The following HMGCLL1 variants were observed in gnomAD, a reference collection of about 807,000 sequenced individuals.
HMGCLL1 encodes 3-hydroxy-3-methylglutaryl-CoA lyase like 1.
In HMGCLL1, 36 loss-of-function variants were observed where a neutral mutation model predicts 39.1. The observed-to-expected ratio is 0.92, with a 90% CI of 0.71 to 1.22. HMGCLL1 has a LOEUF of 1.22. HMGCLL1 is among the 50% of genes most tolerant of loss of function. The pLI is 0.00. For synonymous variants in HMGCLL1, 149 were observed against 144.0 expected, an observed-to-expected ratio of 1.03 and a Z score of -0.25; for missense variants, 451 against 416.5, an observed-to-expected ratio of 1.08 and a Z score of -0.72.
the HMGCLL1 span, among the ~76,000 whole-genome samples, chr6:55,622,500 T>A: frequency 2.4e-4 from 36 of 152,096 alleles, no homozygotes; most frequent in Non-Finnish European, 4.7e-4. Flanking sequence ...TTTTATCGAA[T>A]GCTGTTTTAG....
intron 7 of HMGCLL1, among the ~76,000 whole-genome samples, chr6:55,458,291 C>T (rs1006510320): frequency 1.3e-5 from 2 of 152,046 alleles, no homozygotes; most frequent in East Asian, 1.9e-4. Flanking sequence ...ATAAAGCATA[C>T]AAAATCTGTG....
chr6:55,514,509 T>C (rs1237878423), intron 4 of HMGCLL1, among the ~76,000 whole-genome samples: 1 of 152,196 alleles, frequency 6.6e-6, no homozygotes, highest in Non-Finnish European at 1.5e-5. Context: ...AGCCTAATTA[T>C]GGAAAATACT....
chr6:55,610,512 C>A, the HMGCLL1 span, among the ~76,000 whole-genome samples: 955 of 152,018 alleles, frequency 6.3e-3, 14 homozygotes, highest in African/African-American at 0.021. Context: ...ATGAACAAAG[C>A]CTTTGAGAAC....
At chr6:55,477,100 A>T (rs1429290218) in intron 7 of HMGCLL1, among the ~76,000 whole-genome samples, 7 of 92,334 alleles carry the variant, frequency 7.6e-5, no homozygotes, top group African/African-American at 2.8e-4. Context: ...TGTACCCCAG[A>T]ACTTAGAGTA....
chr6:55,629,583 C>A, the HMGCLL1 span, among the ~76,000 whole-genome samples: 1 of 152,164 alleles, frequency 6.6e-6, no homozygotes, highest in Non-Finnish European at 1.5e-5. Context: ...GGGAAAATAT[C>A]TCCAGGGCAT....
the HMGCLL1 span, among the ~76,000 whole-genome samples, chr6:55,625,754 A>T: frequency 6.6e-6 from 1 of 152,192 alleles, no homozygotes; most frequent in Non-Finnish European, 1.5e-5. Context: ...TGGAAGAACC[A>T]TGATTGGAAA....
intron 7 of HMGCLL1, among the ~76,000 whole-genome samples, chr6:55,480,831 C>T (rs886611159): frequency 4.1e-5 from 6 of 148,132 alleles, no homozygotes; most frequent in African/African-American, 8.0e-5. Context: ...TTATTTGCAA[C>T]GACATGGGTG....
intron 3 of HMGCLL1, among the ~76,000 whole-genome samples, chr6:55,517,602 T>A (rs922448374): frequency 6.6e-6 from 1 of 151,942 alleles, no homozygotes; most frequent in African/African-American, 2.4e-5. Flanking sequence ...TTTTTGAATT[T>A]AAAAAATTAA....
the HMGCLL1 span, among the ~76,000 whole-genome samples, chr6:55,661,028 C>A: frequency 6.6e-6 from 1 of 151,870 alleles, no homozygotes; most frequent in African/African-American, 2.4e-5. Flanking sequence ...TGAAAAGGGT[C>A]TGTTTATATC....
At chr6:55,510,931 G>C (rs888876977) in intron 5 of HMGCLL1, among the ~76,000 whole-genome samples, 1 of 151,600 alleles carries the variant, frequency 6.6e-6, no homozygotes, top group African/African-American at 2.4e-5. Flanking sequence ...CTCACAAAGA[G>C]TGAGCATGTG....
At chr6:55,437,823 G>T (rs1255055466) in intron 8 of HMGCLL1, among the ~76,000 whole-genome samples, 1 of 152,010 alleles carries the variant, frequency 6.6e-6, no homozygotes, top group African/African-American at 2.4e-5. Flanking sequence ...GGAAAGAGAT[G>T]CAGACCTGCA....
the HMGCLL1 span, among the ~76,000 whole-genome samples, chr6:55,608,495 A>T: frequency 6.6e-6 from 1 of 152,334 alleles, no homozygotes; most frequent in South Asian, 2.1e-4. Flanking sequence ...AGGGAAAAAA[A>T]ACAGGCTAAT....
chr6:55,505,349 G>A (rs1019089922), intron 5 of HMGCLL1, among the ~76,000 whole-genome samples: 5 of 151,668 alleles, frequency 3.3e-5, no homozygotes, highest in African/African-American at 1.2e-4. Context: ...ACAATGCCAG[G>A]AGTGATGAAA....
intron 1 of HMGCLL1, among the ~76,000 whole-genome samples, chr6:55,566,844 A>C (rs1221784677): frequency 6.6e-6 from 1 of 152,158 alleles, no homozygotes; most frequent in Admixed American, 6.6e-5. Flanking sequence ...AAGAATAAAT[A>C]AGAACTAAAG....
At chr6:55,589,318 T>C in the HMGCLL1 span, among the ~76,000 whole-genome samples, 3 of 152,174 alleles carry the variant, frequency 2.0e-5, no homozygotes, top group South Asian at 4.1e-4. Flanking sequence ...ATTATCTCAA[T>C]AGATGCAGAA....
the HMGCLL1 span, among the ~76,000 whole-genome samples, chr6:55,633,755 G>T: frequency 6.6e-6 from 1 of 151,994 alleles, no homozygotes; most frequent in Admixed American, 6.6e-5. Flanking sequence ...AGGAAGCTCT[G>T]TAGTGACGTT....
At chr6:55,647,069 G>C in the HMGCLL1 span, among the ~76,000 whole-genome samples, 420 of 152,050 alleles carry the variant, frequency 2.8e-3, 2 homozygotes, top group Middle Eastern at 3.4e-3. Flanking sequence ...GGGTTCTCTA[G>C]TGTTGGGTTC....
chr6:55,546,665 A>C (rs2127461936), intron 1 of HMGCLL1, among the ~76,000 whole-genome samples: 1 of 152,214 alleles, frequency 6.6e-6, no homozygotes, highest in Non-Finnish European at 1.5e-5. Flanking sequence ...TGAATATATG[A>C]AAATTAACGA....
At chr6:55,542,848 AATAT>A (rs982580257) in intron 1 of HMGCLL1, among the ~76,000 whole-genome samples, 1 of 138,194 alleles carries the variant, frequency 7.2e-6, no homozygotes, top group Non-Finnish European at 1.5e-5. Context: ...ATTATATATA[AATAT>A]ATATATATTT....
Sources: gnomAD v4.1 joint callset for allele counts (sites outside exome capture counted in the v4.1 genomes callset) on GRCh38, gnomAD v4.1.1 for gene constraint, MANE v1.5 for transcripts, NCBI Gene and HGNC (gene_info 2026-07-23, HGNC 2026-07-21) for gene names.